FBXL17: variants seen among roughly 807,000 people sequenced by gnomAD.
FBXL17 encodes F-box and leucine rich repeat protein 17.
In FBXL17, 22 loss-of-function variants were observed where a neutral mutation model predicts 66.2. The observed-to-expected ratio is 0.33, with a 90% confidence interval of 0.24 to 0.47. The LOEUF is 0.47. Ranked by LOEUF, FBXL17 falls within the 20% of genes least tolerant of loss-of-function variation. The probability of loss-of-function intolerance (pLI) is 1.00; values close to 1 mark genes in which losing one functional copy is unlikely to be tolerated. For synonymous variants in FBXL17, 474 were observed against 400.5 expected (o/e 1.18, Z -2.19); for missense variants, 878 against 948.2 (o/e 0.93, Z 0.97).
At chr5:108,325,957 G>A (rs1456822642) in intron 4 of FBXL17, among the ~76,000 whole-genome samples, 1 of 152,102 alleles carries the variant, frequency 6.6e-6, no homozygotes, top group Non-Finnish European at 1.5e-5. Flanking sequence ...ACTACCATGT[G>A]CCCAACACTC....
At chr5:107,921,101 T>C (rs1272362745) in intron 7 of FBXL17, among the ~76,000 whole-genome samples, 2 of 152,192 alleles carry the variant, frequency 1.3e-5, no homozygotes, top group Non-Finnish European at 2.9e-5. Flanking sequence ...CTATAATAAA[T>C]TGAGTAAAAA....
intron 4 of FBXL17, among the ~76,000 whole-genome samples, chr5:108,236,594 T>C (rs1755614322): frequency 6.6e-6 from 1 of 150,554 alleles, no homozygotes. Context: ...CAAACAAATA[T>C]CAATGACAAT....
intron 6 of FBXL17, among the ~76,000 whole-genome samples, chr5:108,148,802 G>A (rs1021878724): frequency 1.3e-5 from 2 of 152,196 alleles, no homozygotes; most frequent in African/African-American, 2.4e-5. Flanking sequence ...AGTAGCATAT[G>A]TAATTCTGAT....
chr5:108,223,628 C>A (rs2150075549), intron 5 of FBXL17, among the ~76,000 whole-genome samples: 1 of 152,236 alleles, frequency 6.6e-6, no homozygotes, highest in South Asian at 2.1e-4. Flanking sequence ...GCAGTTTGAT[C>A]ATTTCTAAAA....
At chr5:108,220,464 A>G (rs1040099044) in intron 5 of FBXL17, among the ~76,000 whole-genome samples, 1 of 152,148 alleles carries the variant, frequency 6.6e-6, no homozygotes, top group East Asian at 1.9e-4. Flanking sequence ...CCTGATACCC[A>G]GTGTCTTAAA....
chr5:108,348,576 C>T, intron 3 of FBXL17, 46 bp from the exon 4 acceptor site: 2 of 1,569,114 alleles, frequency 1.3e-6, no homozygotes, highest in Non-Finnish European at 1.7e-6. Context: ...ATAACAAAGG[C>T]AACATATTTC....
chr5:107,961,398 T>C (rs992526398), intron 7 of FBXL17, among the ~76,000 whole-genome samples: 1 of 151,910 alleles, frequency 6.6e-6, no homozygotes, highest in African/African-American at 2.4e-5. Context: ...CTAATTTTTG[T>C]AATTTTTTTG....
chr5:108,302,986 T>C (rs1239373507), intron 4 of FBXL17, among the ~76,000 whole-genome samples: 1 of 151,848 alleles, frequency 6.6e-6, no homozygotes. Flanking sequence ...AACACTCACA[T>C]TTTAAGAAAA....
intron 7 of FBXL17, among the ~76,000 whole-genome samples, chr5:107,916,641 G>T (rs1013124410): frequency 1.8e-4 from 27 of 152,066 alleles, no homozygotes; most frequent in African/African-American, 4.8e-4. Flanking sequence ...CAGAGCACAG[G>T]CTATACAAAT....
chr5:108,140,094 G>C (rs1751293512), intron 6 of FBXL17, among the ~76,000 whole-genome samples: 1 of 152,164 alleles, frequency 6.6e-6, no homozygotes, highest in Admixed American at 6.5e-5. Context: ...CACCCAGGCT[G>C]CAGTGCAGTA....
intron 4 of FBXL17, among the ~76,000 whole-genome samples, chr5:108,229,124 C>A (rs948483429): frequency 6.6e-6 from 1 of 152,068 alleles, no homozygotes; most frequent in Non-Finnish European, 1.5e-5. Flanking sequence ...ATTAATTCTA[C>A]TCATCTATGA....
intron 7 of FBXL17, among the ~76,000 whole-genome samples, chr5:107,973,583 T>C (rs1387594019): frequency 6.6e-6 from 1 of 152,048 alleles, no homozygotes; most frequent in Non-Finnish European, 1.5e-5. Flanking sequence ...GATATAACCT[T>C]GAATTTGTTC....
chr5:108,022,364 TA>T (rs1271403878), intron 6 of FBXL17, among the ~76,000 whole-genome samples: 2 of 151,960 alleles, frequency 1.3e-5, no homozygotes, highest in African/African-American at 4.8e-5. Flanking sequence ...TAAATTCATT[TA>T]AAAAAGAATA....
At chr5:108,155,051 T>TG (rs1738665424) in intron 6 of FBXL17, among the ~76,000 whole-genome samples, 1 of 152,180 alleles carries the variant, frequency 6.6e-6, no homozygotes, top group African/African-American at 2.4e-5. Flanking sequence ...CATGATAAGC[T>TG]GATCAAATCT....
intron 6 of FBXL17, among the ~76,000 whole-genome samples, chr5:108,147,653 T>C (rs1580512689): frequency 6.6e-6 from 1 of 152,320 alleles, no homozygotes; most frequent in Non-Finnish European, 1.5e-5. Context: ...ACAGAGATAC[T>C]GGCTAAGAAT....
chr5:108,216,532 AT>A (rs1402773071), intron 5 of FBXL17, among the ~76,000 whole-genome samples: 1 of 151,938 alleles, frequency 6.6e-6, no homozygotes, highest in Non-Finnish European at 1.5e-5. Flanking sequence ...TGTCTTTTTA[AT>A]TTTTTTAACT....
chr5:108,014,434 G>A (rs935988232), intron 7 of FBXL17, among the ~76,000 whole-genome samples: 11 of 152,024 alleles, frequency 7.2e-5, no homozygotes, highest in Middle Eastern at 3.2e-3. Context: ...TTAAAAAAAC[G>A]ACTAAATGTG....
intron 4 of FBXL17, among the ~76,000 whole-genome samples, chr5:108,235,423 T>C (rs1287404926): frequency 6.6e-6 from 1 of 152,198 alleles, no homozygotes; most frequent in Non-Finnish European, 1.5e-5. Context: ...ATTGTGGTTA[T>C]CTCTTTGCCC....
intron 4 of FBXL17, among the ~76,000 whole-genome samples, chr5:108,301,708 T>C (rs1758596303): frequency 6.6e-6 from 1 of 151,726 alleles, no homozygotes; most frequent in Non-Finnish European, 1.5e-5. Flanking sequence ...ATATCAGTCA[T>C]TGGTATAAAT....
Sources: gnomAD v4.1 joint callset for allele counts (sites outside exome capture counted in the v4.1 genomes callset) on GRCh38, gnomAD v4.1.1 for gene constraint, MANE v1.5 for transcripts, NCBI Gene and HGNC (gene_info 2026-07-23, HGNC 2026-07-21) for gene names.